Variants in GCNT1 observed in about 807,000 individuals in gnomAD.
GCNT1 encodes glucosaminyl (N-acetyl) transferase 1.
In GCNT1, 16 loss-of-function variants were observed where a neutral mutation model predicts 26.2. The ratio of observed to expected loss-of-function variants is 0.61; its 90% CI spans 0.41 to 0.93. The LOEUF is 0.93. Ranked by LOEUF, GCNT1 falls within the 40% of genes least tolerant of loss-of-function variation. The pLI, the probability that GCNT1 is intolerant of heterozygous loss-of-function variation, is 0.00. For synonymous variants in GCNT1, 183 were observed against 190.8 expected (o/e 0.96, Z 0.34); for missense variants, 477 against 526.7 (o/e 0.91, Z 0.92).
chr9:76,430,819 G>A (rs938537959), intron 1 of GCNT1, among the ~76,000 whole-genome samples: 2 of 152,232 alleles, frequency 1.3e-5, no homozygotes, highest in African/African-American at 4.8e-5. Context: ...GAGTAGCTGG[G>A]AATACAGGTG....
intron 2 of GCNT1, among the ~76,000 whole-genome samples, chr9:76,481,145 G>A (rs1966192): frequency 6.6e-6 from 1 of 152,146 alleles, no homozygotes; most frequent in South Asian, 2.1e-4. Flanking sequence ...GGCTGAGGTT[G>A]CAGTAAGCTG....
At chr9:76,406,716 C>T in the GCNT1 span, among the ~76,000 whole-genome samples, 10 of 150,104 alleles carry the variant, frequency 6.7e-5, no homozygotes, top group African/African-American at 2.2e-4. Context: ...AGGAAAAAAT[C>T]ATCAGGTTGT....
chr9:76,418,703 G>A (rs55637971), upstream of GCNT1, among the ~76,000 whole-genome samples: 18,437 of 152,194 alleles, frequency 0.12, 1,163 homozygotes, highest in East Asian at 0.2. Context: ...GGAGTTGAGG[G>A]TGTAACAATT....
chr9:76,420,396 C>A (rs1002206445), intron 1 of GCNT1, among the ~76,000 whole-genome samples: 1 of 152,090 alleles, frequency 6.6e-6, no homozygotes, highest in African/African-American at 2.4e-5. Context: ...CCCTTAGCCT[C>A]CCGAGAAGCC....
chr9:76,411,289 C>A, the GCNT1 span, among the ~76,000 whole-genome samples: 2 of 151,940 alleles, frequency 1.3e-5, no homozygotes, highest in Non-Finnish European at 2.9e-5. Context: ...TCCACTTTTT[C>A]CCTGCCATTT....
chr9:76,455,887 G>A (rs1587420928), upstream of GCNT1, among the ~76,000 whole-genome samples: 1 of 152,364 alleles, frequency 6.6e-6, no homozygotes, highest in East Asian at 1.9e-4. Context: ...ACAGGCATAA[G>A]CCACCATGCC....
At chr9:76,430,910 T>C (rs775334987) in intron 1 of GCNT1, among the ~76,000 whole-genome samples, 14 of 152,120 alleles carry the variant, frequency 9.2e-5, no homozygotes, top group African/African-American at 1.4e-4. Context: ...GGTCTCGAAC[T>C]CCTGACCTCA....
intron 2 of GCNT1, among the ~76,000 whole-genome samples, chr9:76,472,191 C>G (rs1048680534): frequency 6.6e-6 from 1 of 152,176 alleles, no homozygotes; most frequent in Non-Finnish European, 1.5e-5. Flanking sequence ...GTGGGAGAAT[C>G]ACTTGAACCC....
At chr9:76,405,800 C>T in the GCNT1 span, among the ~76,000 whole-genome samples, 10 of 152,268 alleles carry the variant, frequency 6.6e-5, no homozygotes, top group Non-Finnish European at 2.9e-5. Flanking sequence ...TATTGAAGGA[C>T]GTCTTGATTG....
chr9:76,443,795 C>T (rs1048363162), intron 1 of GCNT1, among the ~76,000 whole-genome samples: 2 of 151,844 alleles, frequency 1.3e-5, no homozygotes, highest in African/African-American at 4.8e-5. Context: ...GCAGGAGAAT[C>T]GCTTGAACCT....
chr9:76,451,623 A>G (rs1823665504), intron 1 of GCNT1, among the ~76,000 whole-genome samples: 3 of 152,218 alleles, frequency 2.0e-5, no homozygotes. Context: ...TAAAAGGCCA[A>G]AGAAATATTA....
Position 76,503,132 on chromosome 9 carries a change from AAAGAAGAAAGGTGG to A in GCNT1, c.758_771del (p.Glu253AlafsTer3), listed in dbSNP as rs751511655. The A allele has an allele frequency of 6.2e-7, 1 of 1,614,214 alleles. No homozygotes were observed. The highest frequency in any genetic ancestry group is 8.5e-7 in the Non-Finnish European group (1 of 1,180,038). On this transcript the variant is annotated frameshift_variant, in exon 4 of 4. Transcript: ENST00000376730. LOFTEE classifies it high-confidence loss of function. ...GGAAACGGAGAGGATGCCATCCCATAAAGAAGAAAGGTGGAAGAAGCGGTATGAGGTCGTTAATG... is the reference window on the plus strand; with the variant it reads ...GGAAACGGAGAGGATGCCATCCCATAAAGAAGCGGTATGAGGTCGTTAATG...
chr9:76,492,617 C>T (rs1230656602), intron 2 of GCNT1, among the ~76,000 whole-genome samples: 4 of 150,198 alleles, frequency 2.7e-5, no homozygotes, highest in Middle Eastern at 3.4e-3. Flanking sequence ...ATCTGGTTGG[C>T]GGCTTCTGGC....
chr9:76,500,397 A>C lies in GCNT1; in HGVS notation c.-289-519A>C, dbSNP rs1373582331. 2.6e-5 allele frequency among the ~76,000 whole-genome samples: 4 copies of C among 152,290 alleles called. No homozygotes were observed. The East Asian group carries it at 7.7e-4, about 29-fold the overall frequency. On this transcript the variant is annotated intron_variant, in intron 2 of 3. Transcript: ENST00000376730. ...AGGGGCAGGAATTACTTAAAGGCAT[A>C]CTTTTTGTAGTGTTTTGATATTTTA...
intron 2 of GCNT1, among the ~76,000 whole-genome samples, chr9:76,465,155 G>GTTTTTTTTTTTT (rs374781585): frequency 6.9e-6 from 1 of 144,998 alleles, no homozygotes. Context: ...TCTGATTTGA[G>GTTTTTTTTTTTT]TTTTTTTTTT....
At chr9:76,428,052 G>A (rs550699974) in intron 1 of GCNT1, among the ~76,000 whole-genome samples, 2 of 152,014 alleles carry the variant, frequency 1.3e-5, no homozygotes, top group South Asian at 2.1e-4. Context: ...AAATCACGAG[G>A]TCAGGAGATC....
chr9:76,403,094 T>C, the GCNT1 span, among the ~76,000 whole-genome samples: 47 of 152,332 alleles, frequency 3.1e-4, no homozygotes, highest in Middle Eastern at 6.8e-3. Flanking sequence ...TCTACCCACA[T>C]GAGACACTAA....
At chr9:76,447,180 A>G (rs1823591372) in intron 1 of GCNT1, among the ~76,000 whole-genome samples, 2 of 135,274 alleles carry the variant, frequency 1.5e-5, no homozygotes, top group South Asian at 2.4e-4. Flanking sequence ...AAAAAAAAAA[A>G]GAACAGATAT....
upstream of GCNT1, chr9:76,459,092 A>T (rs1447786551): frequency 6.6e-6 from 1 of 152,330 alleles, no homozygotes; most frequent in Non-Finnish European, 1.5e-5. Context: ...GCAAGTCCCC[A>T]GCCCCGAGCT....
Sources: gnomAD v4.1 joint callset for allele counts (sites outside exome capture counted in the v4.1 genomes callset) on GRCh38, gnomAD v4.1.1 for gene constraint, MANE v1.5 for transcripts, NCBI Gene and HGNC (gene_info 2026-07-23, HGNC 2026-07-21) for gene names.